LINGO3: variants seen among roughly 807,000 people sequenced by gnomAD.
LINGO3 encodes the protein leucine-rich repeat and immunoglobulin-like domain-containing nogo receptor-interacting protein 3.
For synonymous variants in LINGO3, 427 were observed against 444.2 expected (o/e 0.96, Z 0.49); for missense variants, 750 against 867.7 (o/e 0.86, Z 1.70).
chr19:2,299,546 G>C, the LINGO3 span, among the ~76,000 whole-genome samples: 1 of 145,466 alleles, frequency 6.9e-6, no homozygotes, highest in Non-Finnish European at 1.5e-5. Context: ...GCCTCAGCCT[G>C]CCGAGTAGCT....
At chr19:2,296,249 C>T (rs1043600782), upstream of LINGO3, among the ~76,000 whole-genome samples, 6 of 152,110 alleles carry the variant, frequency 3.9e-5, no homozygotes, top group South Asian at 4.1e-4. Context: ...CCTTACTGTC[C>T]GCTCCACAGT....
At position 2,290,813 on chromosome 19, in the gene LINGO3, G is replaced by GGCGGATCTGGCGCAGGCCCAGGAAGGCCT; in HGVS notation, c.935_963dup (p.Leu322ArgfsTer30). ...AGCAGGTTGTTGGAGAGGTTGAGCA[G>GGCGGATCTGGCGCAGGCCCAGGAAGGCCT]GCGGATCTGGCGCAGGCCCAGGAAG... On this transcript the variant is annotated frameshift_variant, in exon 1 of 1. Transcript: ENST00000585527. LOFTEE classifies it low-confidence loss of function (END_TRUNC). The surrounding 1 kb of genome is among the most constrained non-coding windows in gnomAD (Gnocchi z 6.0). 6.2e-7 allele frequency: 1 copy of GGCGGATCTGGCGCAGGCCCAGGAAGGCCT among 1,612,564 alleles called. No homozygotes were observed. Among genetic ancestry groups the GGCGGATCTGGCGCAGGCCCAGGAAGGCCT allele is most frequent in the Non-Finnish European group, 8.5e-7 (1 of 1,179,626 alleles).
At chr19:2,305,043 T>C in the LINGO3 span, among the ~76,000 whole-genome samples, 2 of 152,086 alleles carry the variant, frequency 1.3e-5, no homozygotes, top group Non-Finnish European at 2.9e-5. Context: ...AGGCCCATTT[T>C]GGACTCTGGC....
chr19:2,301,030 C>G, the LINGO3 span, among the ~76,000 whole-genome samples: 1 of 151,988 alleles, frequency 6.6e-6, no homozygotes, highest in East Asian at 2.0e-4. Context: ...GCAGAATCAC[C>G]CTGGTTCAGA....
rs1330141333 is a variant in LINGO3 at position 2,291,842 on chromosome 19, G to C, written c.-66C>G. On this transcript the variant is annotated 5_prime_UTR_variant, in exon 1 of 1. Coordinates refer to ENST00000585527, the Ensembl canonical transcript of LINGO3. ...GCGCACCTGCGGGCGGGCGGGGAGC[G>C]GGCAGCGTTAGCACCGTTAGCACCC... The C allele has an allele frequency of 7.3e-7, 1 of 1,374,596 alleles. No homozygotes were observed. The highest frequency in any genetic ancestry group is 9.8e-7 in the Non-Finnish European group (1 of 1,021,286). The allele number at this position is 1,374,596 out of a possible 1,614,324, so 85.1% of individuals were successfully genotyped here. A position where few individuals can be genotyped will look rare whatever the true frequency, so the allele number is the denominator to read the frequency against.
the LINGO3 span, among the ~76,000 whole-genome samples, chr19:2,299,872 C>T: frequency 8.7e-5 from 13 of 149,138 alleles, no homozygotes; most frequent in Middle Eastern, 3.7e-3. Flanking sequence ...TACAGGCGCC[C>T]GCCACCACGC....
the LINGO3 span, among the ~76,000 whole-genome samples, chr19:2,303,886 G>T: frequency 6.6e-6 from 1 of 152,206 alleles, no homozygotes; most frequent in Non-Finnish European, 1.5e-5. Context: ...AGAACTCACG[G>T]GTCCTCACCT....
Position 2,290,654 on chromosome 19 carries a change from G to A in LINGO3, c.1123C>T (p.Arg375Trp), listed in dbSNP as rs764763411. ...GCCGGGGTGGCGCAGGCCGGCAGCCGCCCGTCGAAGTTGAGGGTCTTGCGA... is the reference window on the plus strand; with the variant it reads ...GCCGGGGTGGCGCAGGCCGGCAGCCACCCGTCGAAGTTGAGGGTCTTGCGA... The change falls in exon 1 of 1, where the codon CGG becomes TGG. Residue 375 changes from arginine to tryptophan, a missense_variant. Physicochemically the swap from Arg to Trp is moderately radical, Grantham distance 101. Transcript: ENST00000585527. The surrounding 1 kb of genome is among the most constrained non-coding windows in gnomAD (Gnocchi z 6.0). The A allele has an allele frequency of 1.2e-6, 2 of 1,603,848 alleles. No individual in the cohort carries two copies. Among genetic ancestry groups the A allele is most frequent in the East Asian group, 2.2e-5 (1 of 44,508 alleles).
At chr19:2,289,761 G>C, downstream of LINGO3, 2 of 269,254 alleles carry the variant, frequency 7.4e-6, no homozygotes, top group Non-Finnish European at 1.4e-5. Flanking sequence ...CCCCAGCTCA[G>C]CCACCATAGC....
chr19:2,301,640 G>A, the LINGO3 span, among the ~76,000 whole-genome samples: 1,602 of 152,144 alleles, frequency 0.011, 34 homozygotes, highest in African/African-American at 0.036. Flanking sequence ...TACAAGACGC[G>A]ACCCCGGGGC....
chr19:2,305,993 G>A, the LINGO3 span, among the ~76,000 whole-genome samples: 10 of 152,206 alleles, frequency 6.6e-5, no homozygotes, highest in South Asian at 4.2e-4. Context: ...GTTAGTCCCC[G>A]TCAACCCCTC....
chr19:2,291,721 G>A (rs1389280632), exon 1 of LINGO3: 32 of 1,342,334 alleles, frequency 2.4e-5, no homozygotes, highest in Non-Finnish European at 2.9e-5. Flanking sequence ...AGCCGGGGGC[G>A]GCGCCGCGGG....
At chr19:2,307,336 G>T in the LINGO3 span, among the ~76,000 whole-genome samples, 1 of 152,230 alleles carries the variant, frequency 6.6e-6, no homozygotes, top group Non-Finnish European at 1.5e-5. Flanking sequence ...GAGAAACCCA[G>T]TTACATGGTG....
At chr19:2,304,501 C>A in the LINGO3 span, among the ~76,000 whole-genome samples, 2 of 152,128 alleles carry the variant, frequency 1.3e-5, no homozygotes, top group Non-Finnish European at 2.9e-5. Context: ...CATTCCGGAT[C>A]ATCCAGAGGC....
At chr19:2,303,365 G>T in the LINGO3 span, among the ~76,000 whole-genome samples, 2 of 150,156 alleles carry the variant, frequency 1.3e-5, no homozygotes, top group African/African-American at 2.5e-5. Flanking sequence ...GTGGGGGGGG[G>T]GGTCTGTTCC....
the LINGO3 span, among the ~76,000 whole-genome samples, chr19:2,306,836 C>T: frequency 1.3e-5 from 2 of 152,200 alleles, no homozygotes; most frequent in Middle Eastern, 3.4e-3. Flanking sequence ...AGGGGAAGCC[C>T]GTGGGTTCTT....
chr19:2,307,221 C>T, the LINGO3 span, among the ~76,000 whole-genome samples: 9 of 152,214 alleles, frequency 5.9e-5, no homozygotes, highest in Admixed American at 5.9e-4. Context: ...AGCCAGGGAC[C>T]GCTTGCTAAA....
downstream of LINGO3, among the ~76,000 whole-genome samples, chr19:2,288,402 G>A (rs2025485223): frequency 6.6e-6 from 1 of 152,244 alleles, no homozygotes. The surrounding 1 kb of genome is among the most constrained non-coding windows in gnomAD (Gnocchi z 6.5). Context: ...CCACGGGTCA[G>A]CAGGGCCGGC....
the LINGO3 span, among the ~76,000 whole-genome samples, chr19:2,301,832 G>A: frequency 3.3e-5 from 5 of 150,440 alleles, no homozygotes; most frequent in Non-Finnish European, 7.4e-5. Context: ...GGAGGCTGAG[G>A]CAGGAGAATG....
Sources: allele counts gnomAD v4.1 joint callset (sites outside exome capture counted in the v4.1 genomes callset), GRCh38; gene constraint gnomAD v4.1.1; non-coding constraint Gnocchi (gnomAD v3.1); transcripts MANE v1.5; gene names NCBI Gene and HGNC (gene_info 2026-07-23, HGNC 2026-07-21).